Variants in ST6GALNAC3 observed in about 807,000 individuals in gnomAD.
ST6GALNAC3 encodes ST6 N-acetylgalactosaminide alpha-2,6-sialyltransferase 3.
A neutral mutation model predicts 32.7 loss-of-function variants in ST6GALNAC3; 25 were observed. That is an observed-to-expected ratio of 0.76 (90% confidence interval 0.56 to 1.07). ST6GALNAC3 has a LOEUF of 1.07. Ranked by LOEUF, ST6GALNAC3 falls within the 50% of genes least tolerant of loss-of-function variation. The pLI, the probability that ST6GALNAC3 is intolerant of heterozygous loss-of-function variation, is 0.00. For missense variants in ST6GALNAC3, 355 were observed against 382.4 expected (o/e 0.93, Z 0.60); for synonymous variants, 129 against 133.1 (o/e 0.97, Z 0.21).
chr1:76,438,152 C>CT (rs201668914), intron 3 of ST6GALNAC3, among the ~76,000 whole-genome samples: 27,038 of 144,700 alleles, frequency 0.19, 3,902 homozygotes, highest in African/African-American at 0.41. Context: ...CATATTCTGA[C>CT]TTTTTTTTTT....
intron 2 of ST6GALNAC3, among the ~76,000 whole-genome samples, chr1:76,322,527 A>G (rs957214703): frequency 1.3e-5 from 2 of 152,206 alleles, no homozygotes; most frequent in Non-Finnish European, 2.9e-5. Flanking sequence ...AATTCATTTC[A>G]CTGTTCTTAA....
At chr1:76,297,023 A>G (rs1345455055) in intron 1 of ST6GALNAC3, among the ~76,000 whole-genome samples, 1 of 152,040 alleles carries the variant, frequency 6.6e-6, no homozygotes, top group Admixed American at 6.6e-5. Context: ...GTAGTTGAGC[A>G]TCAGCATTGG....
chr1:76,446,726 G>A (rs182364548), intron 3 of ST6GALNAC3, among the ~76,000 whole-genome samples: 36 of 152,252 alleles, frequency 2.4e-4, no homozygotes, highest in Admixed American at 9.8e-4. Context: ...CATGAGATCT[G>A]ATGGTTTTAA....
chr1:76,469,654 A>G (rs943825597), intron 3 of ST6GALNAC3, among the ~76,000 whole-genome samples: 29 of 152,140 alleles, frequency 1.9e-4, no homozygotes, highest in African/African-American at 7.0e-4. Flanking sequence ...TATAAAGCCA[A>G]CCAGTCTAAT....
chr1:76,373,853 A>T (rs192309286), intron 2 of ST6GALNAC3, among the ~76,000 whole-genome samples: 299 of 152,324 alleles, frequency 2.0e-3, no homozygotes, highest in African/African-American at 7.1e-3. Context: ...AAGTATTTCC[A>T]TTCTCTCAAA....
intron 3 of ST6GALNAC3, among the ~76,000 whole-genome samples, chr1:76,545,791 G>A (rs315064): frequency 0.24 from 35,866 of 151,642 alleles, 4,539 homozygotes; most frequent in African/African-American, 0.32. Flanking sequence ...CGAGTAGCTG[G>A]GATTACAGGC....
At chr1:76,620,972 C>A (rs1404567153) in intron 3 of ST6GALNAC3, among the ~76,000 whole-genome samples, 1 of 152,006 alleles carries the variant, frequency 6.6e-6, no homozygotes, top group African/African-American at 2.4e-5. Flanking sequence ...AAGAAAATAA[C>A]CTTTTAATTT....
intron 1 of ST6GALNAC3, among the ~76,000 whole-genome samples, chr1:76,104,351 T>C (rs1647375054): frequency 6.6e-6 from 1 of 152,204 alleles, no homozygotes; most frequent in Non-Finnish European, 1.5e-5. Flanking sequence ...GTTTCAGATA[T>C]TGAGATGGCT....
rs1179298639 is a variant in ST6GALNAC3 at position 76,419,662 on chromosome 1, G to A, written c.623+7245G>A. On this transcript the variant is annotated intron_variant, in intron 3 of 4. Coordinates refer to ENST00000328299, the MANE Select transcript of ST6GALNAC3 (RefSeq NM_152996.4). ...AATCTCTGTTTTTTCTCTATTCTTG[G>A]ATGCTTGACTCTTTTTAAGACAGAG... Among the ~76,000 whole-genome samples the A allele has an allele frequency of 3.3e-5, 5 of 151,904 alleles. No individual in the cohort carries two copies. The East Asian group carries it at 7.8e-4, about 24-fold the overall frequency.
At chr1:76,620,434 A>G (rs989532649) in intron 3 of ST6GALNAC3, among the ~76,000 whole-genome samples, 1 of 152,058 alleles carries the variant, frequency 6.6e-6, no homozygotes, top group African/African-American at 2.4e-5. Context: ...GTATGTCAAA[A>G]TATCACATAG....
chr1:76,150,997 C>A (rs1651003966), intron 1 of ST6GALNAC3, among the ~76,000 whole-genome samples: 1 of 152,142 alleles, frequency 6.6e-6, no homozygotes, highest in Non-Finnish European at 1.5e-5. Context: ...TGTGGTTGGG[C>A]CCCAGATCAT....
chr1:76,627,845 G>A (rs627873), intron 4 of ST6GALNAC3, among the ~76,000 whole-genome samples: 18,651 of 151,860 alleles, frequency 0.12, 1,993 homozygotes, highest in African/African-American at 0.3. Flanking sequence ...AAGAAGTTTA[G>A]TGGTTGTGTA....
chr1:76,256,874 AG>A (rs1248205380), intron 1 of ST6GALNAC3, among the ~76,000 whole-genome samples: 3 of 152,128 alleles, frequency 2.0e-5, no homozygotes, highest in Non-Finnish European at 4.4e-5. Context: ...GAGTAATCTG[AG>A]GCATTCTCAG....
chr1:76,550,021 TTTG>T (rs923567558), intron 3 of ST6GALNAC3, among the ~76,000 whole-genome samples: 5 of 152,240 alleles, frequency 3.3e-5, no homozygotes, highest in African/African-American at 1.2e-4. Flanking sequence ...GGGAATGGGT[TTTG>T]TTTTCTTATT....
At position 76,627,523 on chromosome 1, in the gene ST6GALNAC3, T is replaced by A; in HGVS notation, c.695T>A (p.Ile232Asn). The A allele has an allele frequency of 2.5e-6, 4 of 1,612,720 alleles. No individual in the cohort carries two copies. The highest frequency in any genetic ancestry group is 3.4e-6 in the Non-Finnish European group (4 of 1,179,006). ...CTGGCCATGGACGCCTGTTATGGCA[T>A]TCACGTCTACGGGATGATAAATGAC... ...FLLAMDACYG[I>N]HVYGMINDTY... The change falls in exon 4 of 5, where the codon ATT (isoleucine) becomes AAT (asparagine). Residue 232 changes from isoleucine to asparagine, a missense_variant. By Grantham distance (149) the Ile-to-Asn change is moderately radical. Transcript: ENST00000328299.
chr1:76,476,958 G>A (rs1319352213), intron 3 of ST6GALNAC3, among the ~76,000 whole-genome samples: 1 of 152,086 alleles, frequency 6.6e-6, no homozygotes, highest in African/African-American at 2.4e-5. Flanking sequence ...CTTGGCATCT[G>A]ACTCTCTGTG....
At chr1:76,337,398 A>G (rs551843488) in intron 2 of ST6GALNAC3, among the ~76,000 whole-genome samples, 2 of 152,208 alleles carry the variant, frequency 1.3e-5, no homozygotes, top group Admixed American at 6.5e-5. Context: ...TCGGGAAATT[A>G]CCCTTTCCAT....
intron 1 of ST6GALNAC3, among the ~76,000 whole-genome samples, chr1:76,284,737 T>A (rs557371517): frequency 6.6e-6 from 1 of 152,190 alleles, no homozygotes; most frequent in East Asian, 1.9e-4. Flanking sequence ...ATCATTAGGT[T>A]TGGAGGCAAA....
chr1:76,198,307 A>T (rs1654324585), intron 1 of ST6GALNAC3, among the ~76,000 whole-genome samples: 1 of 152,198 alleles, frequency 6.6e-6, no homozygotes, highest in Non-Finnish European at 1.5e-5. Flanking sequence ...AAGTGCTGGG[A>T]TTACAGGTGT....
Sources: allele counts gnomAD v4.1 joint callset (sites outside exome capture counted in the v4.1 genomes callset), GRCh38; gene constraint gnomAD v4.1.1; transcripts MANE v1.5; gene names NCBI Gene and HGNC (gene_info 2026-07-23, HGNC 2026-07-21).